The following ZC3H12B variants were observed in gnomAD, a reference collection of about 807,000 sequenced individuals.
ZC3H12B encodes probable ribonuclease ZC3H12B.
In ZC3H12B, 7 loss-of-function variants were observed where a neutral mutation model predicts 43.9. The observed-to-expected ratio is 0.16, with a 90% confidence interval of 0.09 to 0.30. The LOEUF (loss-of-function observed/expected upper bound fraction) is 0.30, where lower values mean the gene tolerates loss of function less well. Among genes scored for constraint, ZC3H12B ranks in the 10% least tolerant of loss-of-function variants. The pLI, the probability that ZC3H12B is intolerant of heterozygous loss-of-function variation, is 1.00. For missense variants in ZC3H12B, 475 were observed against 670.2 expected, an observed-to-expected ratio of 0.71 and a Z score of 3.22; for synonymous variants, 222 against 241.7, an observed-to-expected ratio of 0.92 and a Z score of 0.76.
the ZC3H12B span, among the ~76,000 whole-genome samples, chrX:65,247,530 A>G: frequency 4.5e-4 from 51 of 113,071 alleles, no homozygotes; most frequent in Non-Finnish European, 4.7e-4. Context: ...TACGTGGTTC[A>G]TATTCACAGT....
At chrX:65,413,825 G>A (rs1569399546) in intron 3 of ZC3H12B, among the ~76,000 whole-genome samples, 2 of 111,982 alleles carry the variant, frequency 1.8e-5, no homozygotes, top group African/African-American at 3.2e-5. Context: ...TCTGCAAAAG[G>A]CATCATTGTA....
At chrX:65,089,268 A>T in the ZC3H12B span, among the ~76,000 whole-genome samples, 1 of 111,971 alleles carries the variant, frequency 8.9e-6, no homozygotes, top group Admixed American at 9.5e-5. Context: ...ACACACCTAG[A>T]CTATATGGTA....
upstream of ZC3H12B, among the ~76,000 whole-genome samples, chrX:65,484,522 TTG>T: frequency 8.9e-6 from 1 of 111,982 alleles, no homozygotes; most frequent in Non-Finnish European, 1.9e-5. Context: ...TATATTTTCT[TTG>T]AGAATGCCTT....
chrX:65,444,045 G>T (rs1036125338), intron 3 of ZC3H12B, among the ~76,000 whole-genome samples: 3 of 111,891 alleles, frequency 2.7e-5, no homozygotes, highest in African/African-American at 6.5e-5. Flanking sequence ...CTGTCATTTC[G>T]TTATTTGTTT....
the ZC3H12B span, among the ~76,000 whole-genome samples, chrX:65,249,796 ATTTTTTTT>A: frequency 1.0e-4 from 5 of 48,940 alleles, no homozygotes; most frequent in South Asian, 1.9e-3. Flanking sequence ...ATTCCTAAGT[ATTTTTTTT>A]TTTTTTTTTT....
chrX:65,185,230 T>C, the ZC3H12B span: 1 of 111,985 alleles, frequency 8.9e-6, no homozygotes, highest in Non-Finnish European at 1.9e-5. Flanking sequence ...GTATAAATAG[T>C]GACTAACCGT....
chrX:65,369,251 G>A (rs1048942515), intron 2 of ZC3H12B, among the ~76,000 whole-genome samples: 1 of 110,993 alleles, frequency 9.0e-6, no homozygotes, highest in African/African-American at 3.3e-5. Context: ...GGGGTGAGAG[G>A]AAAGGGAATA....
At chrX:65,470,709 C>G (rs2148194550) in intron 3 of ZC3H12B, among the ~76,000 whole-genome samples, 1 of 111,713 alleles carries the variant, frequency 9.0e-6, no homozygotes, top group South Asian at 3.8e-4. Context: ...TCCTTCATAG[C>G]TGCTGAGCCC....
chrX:65,430,059 C>T (rs1477768529), intron 3 of ZC3H12B, among the ~76,000 whole-genome samples: 2 of 112,668 alleles, frequency 1.8e-5, no homozygotes, highest in East Asian at 5.6e-4. Flanking sequence ...AATTATGCTG[C>T]TTGGCTCCCT....
chrX:65,122,725 G>A, the ZC3H12B span, among the ~76,000 whole-genome samples: 1 of 110,945 alleles, frequency 9.0e-6, no homozygotes, highest in Non-Finnish European at 1.9e-5. Flanking sequence ...AAAAGGCAGG[G>A]GTTGCAATCC....
At chrX:65,232,079 CAAA>C in the ZC3H12B span, among the ~76,000 whole-genome samples, 1 of 98,285 alleles carries the variant, frequency 1.0e-5, no homozygotes, top group African/African-American at 3.7e-5. Flanking sequence ...ACTAACAATA[CAAA>C]AAAAAAAAAT....
At chrX:65,265,346 G>A in the ZC3H12B span, among the ~76,000 whole-genome samples, 15 of 111,844 alleles carry the variant, frequency 1.3e-4, no homozygotes, top group African/African-American at 4.9e-4. Context: ...CAACTGGAGT[G>A]TGCATGGTCC....
chrX:65,102,319 C>G, the ZC3H12B span, among the ~76,000 whole-genome samples: 2 of 111,517 alleles, frequency 1.8e-5, no homozygotes, highest in Admixed American at 1.9e-4. Flanking sequence ...CTTTGAAAAC[C>G]GGCACAAGAC....
the ZC3H12B span, among the ~76,000 whole-genome samples, chrX:65,295,363 A>G: frequency 1.3e-4 from 15 of 111,693 alleles, no homozygotes; most frequent in East Asian, 4.2e-3. Flanking sequence ...ACTGAACGCT[A>G]ATAGTGACAC....
chrX:65,243,318 C>T, the ZC3H12B span, among the ~76,000 whole-genome samples: 1 of 112,199 alleles, frequency 8.9e-6, no homozygotes, highest in African/African-American at 3.2e-5. Flanking sequence ...TCTGAATACA[C>T]ATTTGTCAAA....
At chrX:65,219,304 A>G in the ZC3H12B span, among the ~76,000 whole-genome samples, 2 of 111,912 alleles carry the variant, frequency 1.8e-5, no homozygotes, top group African/African-American at 3.2e-5. Context: ...CTCACCAGCA[A>G]TGTGTCCAAA....
the ZC3H12B span, among the ~76,000 whole-genome samples, chrX:65,172,799 CG>C: frequency 8.9e-6 from 1 of 111,843 alleles, no homozygotes; most frequent in African/African-American, 3.2e-5. Flanking sequence ...TGTTTTGGTA[CG>C]AGTAGCATGC....
chrX:65,216,129 A>C, the ZC3H12B span, among the ~76,000 whole-genome samples: 3 of 111,796 alleles, frequency 2.7e-5, no homozygotes, highest in Admixed American at 9.5e-5. Context: ...TTAAACAACT[A>C]TATATGCAAA....
chrX:65,410,988 C>T (rs2066897350), intron 3 of ZC3H12B, among the ~76,000 whole-genome samples: 1 of 112,224 alleles, frequency 8.9e-6, no homozygotes, highest in Admixed American at 9.4e-5. Context: ...ATCAGTATAA[C>T]AAAGAGATAT....
Sources: gnomAD v4.1 joint callset for allele counts (sites outside exome capture counted in the v4.1 genomes callset) on GRCh38, gnomAD v4.1.1 for gene constraint, MANE v1.5 for transcripts, NCBI Gene and HGNC (gene_info 2026-07-23, HGNC 2026-07-21) for gene names.